Variants in NEK7 observed in about 807,000 individuals in gnomAD.
NEK7 encodes the protein NIMA related kinase 7.
In NEK7, 18 loss-of-function variants were observed where a neutral mutation model predicts 44.6. That is an observed-to-expected ratio of 0.40 (90% CI 0.28 to 0.60). The LOEUF is 0.60. NEK7 is among the 20% of genes least tolerant of loss of function. The probability of loss-of-function intolerance (pLI) is 0.38; values close to 1 mark genes in which losing one functional copy is unlikely to be tolerated. For missense variants in NEK7, 256 were observed against 366.5 expected, an observed-to-expected ratio of 0.70 and a Z score of 2.46; for synonymous variants, 130 against 121.1, an observed-to-expected ratio of 1.07 and a Z score of -0.48.
rs569112736 is a variant in NEK7, at chr1:198,173,627, T to C, written c.-29+16351T>C. Among the ~76,000 whole-genome samples, 102 of 152,128 alleles carry C rather than the reference T, an allele frequency of 6.7e-4. 3 individuals are homozygous for C. In the South Asian group the frequency reaches 0.021, roughly 31 times the overall value. ...TTAAAGCCTCTTAGTATAGACCATC[T>C]TTATGACACTTTAGCATTCTTTAGT... On this transcript the variant is annotated intron_variant, in intron 1 of 9. Coordinates refer to ENST00000367385, the MANE Select transcript of NEK7 (RefSeq NM_133494.3).
intron 5 of NEK7, among the ~76,000 whole-genome samples, chr1:198,271,976 A>T (rs1653866973): frequency 6.7e-6 from 1 of 149,360 alleles, no homozygotes; most frequent in Non-Finnish European, 1.5e-5. Flanking sequence ...TATACATAAC[A>T]TATGTACATC....
At chr1:198,305,017 T>G (rs913875184) in intron 9 of NEK7, among the ~76,000 whole-genome samples, 1 of 152,172 alleles carries the variant, frequency 6.6e-6, no homozygotes, top group African/African-American at 2.4e-5. Flanking sequence ...TAAAACAATT[T>G]TTATAAAAGC....
In NEK7 at chr1:198,201,413, A is replaced by G. The variant is rs191868524; in HGVS notation, c.-28-31140A>G. 2.7e-3 allele frequency among the ~76,000 whole-genome samples: 412 copies of G among 152,288 alleles called. 5 individuals are homozygous for G. Among genetic ancestry groups the G allele is most frequent in the African/African-American group, 9.1e-3 (380 of 41,550 alleles). ...GTACTGTGCCTGTTTTTGTAAATAA[A>G]GTATTATTGGCACATAGTCACGTAT... On this transcript the variant is annotated intron_variant, in intron 1 of 9. Transcript: ENST00000367385.
In NEK7 at chr1:198,208,268, A is replaced by C. The variant is rs568656919; in HGVS notation, c.-28-24285A>C. On this transcript the variant is annotated intron_variant, in intron 1 of 9. Transcript: ENST00000367385. ...TGTTTGTACAAATAATCTGGAGCGT[A>C]AGATGTTATCTTCCTTCAGATAATT... is the stretch of plus-strand genomic sequence containing the variant. 9.3e-4 allele frequency among the ~76,000 whole-genome samples: 142 copies of C among 152,378 alleles called. 2 individuals are homozygous for C. The highest frequency in any genetic ancestry group is 3.4e-3 in the Middle Eastern group (1 of 294).
intron 2 of NEK7, among the ~76,000 whole-genome samples, chr1:198,246,095 A>C (rs780418806): frequency 2.0e-5 from 3 of 152,224 alleles, no homozygotes; most frequent in Non-Finnish European, 2.9e-5. Flanking sequence ...CTACAGTGGA[A>C]TGTAACTCAG....
chr1:198,215,651 G>T (rs573165640), intron 1 of NEK7, among the ~76,000 whole-genome samples: 1 of 152,118 alleles, frequency 6.6e-6, no homozygotes, highest in South Asian at 2.1e-4. Flanking sequence ...AATAAGTATT[G>T]ATTTCAGGAG....
At chr1:198,236,493 C>T (rs1255980751) in intron 2 of NEK7, among the ~76,000 whole-genome samples, 1 of 152,188 alleles carries the variant, frequency 6.6e-6, no homozygotes, top group Non-Finnish European at 1.5e-5. Context: ...CGCATCCACT[C>T]CCTACTTTCC....
Position 198,309,520 on chromosome 1 carries a change from A to G in NEK7, c.799-9892A>G, listed in dbSNP as rs138225783. 5.3e-3 allele frequency among the ~76,000 whole-genome samples: 800 copies of G among 152,162 alleles called. 10 individuals carry two copies. Among genetic ancestry groups the G allele is most frequent in the African/African-American group, 0.018 (764 of 41,496 alleles). On this transcript the variant is annotated intron_variant, in intron 9 of 9. Coordinates refer to ENST00000367385, the MANE Select transcript of NEK7 (RefSeq NM_133494.3). ...GTGCAGGTTAGTTACATATGTATACATGTGCCATGCTGCTGCGCTGCACCA... is the reference window on the plus strand; with the variant it reads ...GTGCAGGTTAGTTACATATGTATACGTGTGCCATGCTGCTGCGCTGCACCA...
At chr1:198,216,502 CCCAATGTCACA>C (rs1389319365) in intron 1 of NEK7, among the ~76,000 whole-genome samples, 2 of 151,754 alleles carry the variant, frequency 1.3e-5, no homozygotes, top group African/African-American at 4.8e-5. Flanking sequence ...AAATTGGCAA[CCCAATGTCACA>C]CCTTCTTCTT....
intron 6 of NEK7, among the ~76,000 whole-genome samples, chr1:198,278,433 G>T (rs1188531427): frequency 1.3e-5 from 2 of 151,656 alleles, no homozygotes; most frequent in Non-Finnish European, 3.0e-5. Flanking sequence ...TCAAGTGGTT[G>T]AGCAGAGTGT....
chr1:198,228,819 A>G (rs925019179), intron 1 of NEK7, among the ~76,000 whole-genome samples: 10 of 152,166 alleles, frequency 6.6e-5, no homozygotes, highest in Non-Finnish European at 1.2e-4. Flanking sequence ...GCAAACAGGG[A>G]CAATTTGACT....
Position 198,321,393 on chromosome 1 carries a change from G to A in NEK7, c.*1871G>A, listed in dbSNP as rs1655530898. On this transcript the variant is annotated 3_prime_UTR_variant, in exon 10 of 10. Coordinates refer to ENST00000367385, the MANE Select transcript of NEK7 (RefSeq NM_133494.3). ...AGATATATTCCTAGAAGTATGAGAAGAATTATTCTTATTGACCATTAATGT... is the reference window on the plus strand; with the variant it reads ...AGATATATTCCTAGAAGTATGAGAAAAATTATTCTTATTGACCATTAATGT... The A allele has an allele frequency of 6.6e-6, 1 of 152,018 alleles. No homozygotes were observed. Among genetic ancestry groups the A allele is most frequent in the South Asian group, 2.1e-4 (1 of 4,824 alleles). 9.4% of individuals were successfully genotyped at this position (152,018 alleles called of 1,614,324 possible). A position where few individuals can be genotyped will look rare whatever the true frequency, so the allele number is the denominator to read the frequency against.
At chr1:198,268,767 A>G (rs1157963491) in intron 5 of NEK7, among the ~76,000 whole-genome samples, 1 of 152,130 alleles carries the variant, frequency 6.6e-6, no homozygotes, top group African/African-American at 2.4e-5. Context: ...GTATTCACAT[A>G]TCCCAAGTGC....
At chr1:198,256,111 T>C (rs925830793) in intron 3 of NEK7, among the ~76,000 whole-genome samples, 24 of 152,202 alleles carry the variant, frequency 1.6e-4, no homozygotes, top group Admixed American at 1.6e-3. Context: ...ACTGTATTAC[T>C]GTTCCCAGGT....
At chr1:198,159,135 C>T (rs886760428) in intron 1 of NEK7, among the ~76,000 whole-genome samples, 10 of 152,214 alleles carry the variant, frequency 6.6e-5, no homozygotes, top group African/African-American at 1.7e-4. Context: ...GCTCCGCCCT[C>T]CGGAGTACTG....
chr1:198,163,522 TAAAAA>T (rs994094715), intron 1 of NEK7, among the ~76,000 whole-genome samples: 1 of 148,710 alleles, frequency 6.7e-6, no homozygotes, highest in Non-Finnish European at 1.5e-5. Flanking sequence ...CTAAAAAAAA[TAAAAA>T]AAAAATTAAA....
intron 1 of NEK7, among the ~76,000 whole-genome samples, chr1:198,204,164 G>A (rs1447271413): frequency 1.3e-5 from 2 of 152,190 alleles, no homozygotes; most frequent in Non-Finnish European, 2.9e-5. Flanking sequence ...GGAGGCTGGA[G>A]CGGGAGGATC....
intron 1 of NEK7, among the ~76,000 whole-genome samples, chr1:198,161,638 A>G (rs1664109914): frequency 6.6e-6 from 1 of 152,006 alleles, no homozygotes; most frequent in Non-Finnish European, 1.5e-5. Flanking sequence ...TTTGTGTTTC[A>G]TTTCAGAGTT....
intron 1 of NEK7, among the ~76,000 whole-genome samples, chr1:198,204,906 T>C (rs1028934461): frequency 1.3e-5 from 2 of 152,168 alleles, no homozygotes; most frequent in Admixed American, 1.3e-4. Context: ...CGCGTGTGCC[T>C]GGGAGGGATG....
Sources: gnomAD v4.1 joint callset for allele counts (sites outside exome capture counted in the v4.1 genomes callset) on GRCh38, gnomAD v4.1.1 for gene constraint, MANE v1.5 for transcripts, NCBI Gene and HGNC (gene_info 2026-07-23, HGNC 2026-07-21) for gene names.